The following ADCY2 variants were observed in gnomAD, a reference collection of about 807,000 sequenced individuals.
The protein encoded by ADCY2 is adenylate cyclase 2.
Under a neutral mutation model 125.2 loss-of-function variants are expected in ADCY2, and 31 were observed. That is an observed-to-expected ratio of 0.25 (90% CI 0.19 to 0.33). ADCY2 has a LOEUF of 0.33. Ranked by LOEUF, ADCY2 falls within the 10% of genes least tolerant of loss-of-function variation. The pLI is 1.00. For synonymous variants in ADCY2, 512 were observed against 548.4 expected, an observed-to-expected ratio of 0.93 and a Z score of 0.93; for missense variants, 904 against 1,418.2, an observed-to-expected ratio of 0.64 and a Z score of 5.82.
At chr5:7,460,584 G>A (rs943511436) in intron 2 of ADCY2, among the ~76,000 whole-genome samples, 3 of 152,300 alleles carry the variant, frequency 2.0e-5, no homozygotes, top group East Asian at 1.9e-4. Flanking sequence ...TTCAGTAGCC[G>A]TGGTTGGTGT....
intron 2 of ADCY2, among the ~76,000 whole-genome samples, chr5:7,462,527 CAG>C (rs918453989): frequency 1.3e-5 from 2 of 152,148 alleles, no homozygotes; most frequent in African/African-American, 4.8e-5. Flanking sequence ...TTAAAAAATA[CAG>C]AGTGTTAAAC....
At chr5:7,593,904 T>C (rs1736925480) in intron 3 of ADCY2, among the ~76,000 whole-genome samples, 1 of 152,086 alleles carries the variant, frequency 6.6e-6, no homozygotes, top group Admixed American at 6.6e-5. Context: ...AAAAGTGTCA[T>C]TTGAGCTGAG....
chr5:7,432,086 T>A (rs1344308461), intron 2 of ADCY2, among the ~76,000 whole-genome samples: 3 of 151,826 alleles, frequency 2.0e-5, no homozygotes, highest in African/African-American at 7.3e-5. Context: ...TGGAAAGAAG[T>A]GTCTTGACTT....
intron 2 of ADCY2, among the ~76,000 whole-genome samples, chr5:7,444,598 A>G (rs1176195852): frequency 6.6e-6 from 1 of 152,084 alleles, no homozygotes; most frequent in Non-Finnish European, 1.5e-5. Context: ...ACTCTTAGCA[A>G]TGCTACAATG....
rs140111548 is a variant in ADCY2 at position 7,725,857 on chromosome 5, G to T, written c.1773+1243G>T. ...ACAAAATATACCCCCCAAAATTCTA[G>T]TAAACAGAAAGTGATCATTTAAAAA... On this transcript the variant is annotated intron_variant, in intron 13 of 24. Transcript: ENST00000338316. 6.6e-5 allele frequency among the ~76,000 whole-genome samples: 10 copies of T among 152,308 alleles called. No homozygotes were observed. In the East Asian group the frequency reaches 1.9e-3, roughly 29 times the overall value.
intron 4 of ADCY2, among the ~76,000 whole-genome samples, chr5:7,671,357 C>G (rs1303054614): frequency 4.6e-5 from 7 of 152,046 alleles, no homozygotes; most frequent in Non-Finnish European, 7.4e-5. Flanking sequence ...CAAAATGCTA[C>G]AAAACAAAAT....
intron 3 of ADCY2, among the ~76,000 whole-genome samples, chr5:7,584,921 A>T (rs190194228): frequency 6.6e-6 from 1 of 152,350 alleles, no homozygotes; most frequent in East Asian, 1.9e-4. Flanking sequence ...TGATGCAGAG[A>T]TGAAATACAC....
chr5:7,659,155 G>A (rs940560884), intron 4 of ADCY2, among the ~76,000 whole-genome samples: 3 of 152,198 alleles, frequency 2.0e-5, no homozygotes, highest in Non-Finnish European at 2.9e-5. Context: ...TGAAAGAAAC[G>A]AGAAATGCTG....
chr5:7,820,771 T>C (rs1745272146), intron 24 of ADCY2, 82 bp downstream of exon 24: 6 of 1,437,694 alleles, frequency 4.2e-6, no homozygotes, highest in East Asian at 2.5e-5. Flanking sequence ...ATAAGGATAC[T>C]AATATATTAA....
intron 18 of ADCY2, among the ~76,000 whole-genome samples, chr5:7,775,177 G>GTGTA (rs1174172465): frequency 2.5e-5 from 3 of 120,378 alleles, no homozygotes; most frequent in Non-Finnish European, 5.0e-5. Context: ...CAGCTACTTT[G>GTGTA]TGTGTGTGTG....
intron 4 of ADCY2, among the ~76,000 whole-genome samples, chr5:7,633,205 C>T (rs941993855): frequency 2.4e-4 from 36 of 151,612 alleles, no homozygotes; most frequent in Admixed American, 2.0e-3. Flanking sequence ...CCGAGGCGGG[C>T]GGATCACCTG....
At chr5:7,552,106 A>G (rs1160167341) in intron 3 of ADCY2, among the ~76,000 whole-genome samples, 1 of 152,188 alleles carries the variant, frequency 6.6e-6, no homozygotes, top group African/African-American at 2.4e-5. Flanking sequence ...TAATAGACCT[A>G]TCGATTGGAA....
chr5:7,757,378 A>G (rs1369631744), intron 15 of ADCY2, 71 bp from the exon 16 acceptor site: 10 of 1,559,490 alleles, frequency 6.4e-6, no homozygotes, highest in African/African-American at 1.4e-5. Context: ...GGTTGTAAAC[A>G]TTGTCATCAA....
intron 3 of ADCY2, among the ~76,000 whole-genome samples, chr5:7,555,048 A>G (rs142335092): frequency 1.4e-3 from 213 of 152,304 alleles, no homozygotes; most frequent in African/African-American, 5.0e-3. Flanking sequence ...TGCCTTCTTT[A>G]TGCCATGAAT....
chr5:7,714,082 G>A (rs972922064), intron 11 of ADCY2, among the ~76,000 whole-genome samples: 1 of 152,176 alleles, frequency 6.6e-6, no homozygotes, highest in Non-Finnish European at 1.5e-5. Flanking sequence ...TTTATGTTAT[G>A]AGGATAATTT....
intron 9 of ADCY2, 175 bp downstream of exon 9, chr5:7,708,013 A>C: frequency 1.4e-6 from 1 of 698,472 alleles, no homozygotes; most frequent in Non-Finnish European, 2.2e-6. Context: ...ATGAATTCAA[A>C]TACTTATTAA....
chr5:7,512,218 C>CA lies in ADCY2; in HGVS notation c.409-8498dup, dbSNP rs57381383. On this transcript the variant is annotated intron_variant, in intron 2 of 24. Transcript: ENST00000338316. Reference sequence around the variant, plus strand: ...CCTGGGCAGTAGAGCATGACTCCATCAAAAAAAAAAAAAAAAAAAAAAGAA... The same window carrying CA: ...CCTGGGCAGTAGAGCATGACTCCATCAAAAAAAAAAAAAAAAAAAAAAAGAA... 5.8e-3 allele frequency among the ~76,000 whole-genome samples: 333 copies of CA among 57,876 alleles called. 15 individuals carry two copies. The highest frequency in any genetic ancestry group is 7.5e-3 in the East Asian group (10 of 1,330). The allele number at this position is 57,876 out of a possible 152,430, so 38.0% of individuals were successfully genotyped here. A position where few individuals can be genotyped will look rare whatever the true frequency, so the allele number is the denominator to read the frequency against.
intron 2 of ADCY2, among the ~76,000 whole-genome samples, chr5:7,424,696 G>A (rs1049299473): frequency 7.2e-5 from 11 of 152,176 alleles, no homozygotes; most frequent in Non-Finnish European, 1.5e-4. Flanking sequence ...CCATTTGGAG[G>A]TATTTTTCAC....
At chr5:7,793,449 TCAA>T (rs1012626138) in intron 20 of ADCY2, among the ~76,000 whole-genome samples, 6 of 152,004 alleles carry the variant, frequency 3.9e-5, no homozygotes, top group Non-Finnish European at 5.9e-5. Context: ...AGACACCATC[TCAA>T]CAACAACAAC....
Sources: gnomAD v4.1 joint callset for allele counts (sites outside exome capture counted in the v4.1 genomes callset) on GRCh38, gnomAD v4.1.1 for gene constraint, MANE v1.5 for transcripts, NCBI Gene and HGNC (gene_info 2026-07-23, HGNC 2026-07-21) for gene names.